Variants in PACRGL observed in about 807,000 individuals in gnomAD.
PACRGL encodes PACRG-like protein.
PACRGL carries 38 observed loss-of-function variants against 34.5 expected under a neutral mutation model. That is an observed-to-expected ratio of 1.10 (90% CI 0.85 to 1.44). The LOEUF (loss-of-function observed/expected upper bound fraction) is 1.44. Among genes scored for constraint, PACRGL ranks in the 40% most tolerant of loss-of-function variants. PACRGL has a pLI of 0.00. For missense variants in PACRGL, 305 were observed against 281.4 expected (o/e 1.08, Z -0.60); for synonymous variants, 128 against 100.1 (o/e 1.28, Z -1.66).
chr4:20,710,803 A>G (rs61671884), intron 5 of PACRGL, among the ~76,000 whole-genome samples: 2,282 of 145,328 alleles, frequency 0.016, 47 homozygotes, highest in East Asian at 0.12. Flanking sequence ...AGCAAAAACT[A>G]TAAGTTTTTG....
chr4:20,755,844 G>A (rs1168142193), downstream of PACRGL, among the ~76,000 whole-genome samples: 1 of 152,122 alleles, frequency 6.6e-6, no homozygotes, highest in Non-Finnish European at 1.5e-5. Context: ...CATCATGGCT[G>A]GTGTGCTGGT....
downstream of PACRGL, among the ~76,000 whole-genome samples, chr4:20,735,704 T>G (rs1445681060): frequency 6.6e-6 from 1 of 151,876 alleles, no homozygotes; most frequent in Non-Finnish European, 1.5e-5. Flanking sequence ...GCCTGACTAA[T>G]TTTTGTATTT....
At chr4:20,749,831 C>T (rs1001024376) in intron 8 of PACRGL, 2 of 680,908 alleles carry the variant, frequency 2.9e-6, no homozygotes, top group African/African-American at 3.6e-5. Context: ...GAAGAATTAA[C>T]TCTGCCTCCT....
intron 7 of PACRGL, among the ~76,000 whole-genome samples, chr4:20,723,857 G>A (rs1005700012): frequency 6.6e-6 from 1 of 152,010 alleles, no homozygotes; most frequent in Non-Finnish European, 1.5e-5. Context: ...GTTGTGTGAG[G>A]GTTAGTTCCT....
chr4:20,721,487 G>A lies in PACRGL; in HGVS notation c.610-3321G>A, dbSNP rs1043104875. ...ACCTTTGGTCTTTGATGATGGTGAC[G>A]TACAAGTGGGGTTTTGGTGTGGATG... On this transcript the variant is annotated intron_variant, in intron 7 of 8. Coordinates refer to ENST00000503585, the MANE Select transcript of PACRGL (RefSeq NM_001258345.3). Among the ~76,000 whole-genome samples the A allele has an allele frequency of 9.1e-4, 138 of 152,074 alleles. 11 individuals are homozygous for A. Among genetic ancestry groups the A allele is most frequent in the South Asian group, 6.2e-4 (3 of 4,810 alleles).
intron 3 of PACRGL, among the ~76,000 whole-genome samples, chr4:20,706,484 C>T (rs1465400815): frequency 6.6e-6 from 1 of 152,022 alleles, no homozygotes; most frequent in Non-Finnish European, 1.5e-5. Flanking sequence ...ATTTTTAAAA[C>T]TTGTGTTTCT....
intron 1 of PACRGL, among the ~76,000 whole-genome samples, chr4:20,704,220 G>A (rs960590069): frequency 2.0e-5 from 3 of 152,118 alleles, no homozygotes; most frequent in African/African-American, 7.2e-5. Context: ...TTGACAATTT[G>A]AATGGAAAAA....
upstream of PACRGL, among the ~76,000 whole-genome samples, chr4:20,700,117 T>C (rs1051936434): frequency 3.3e-5 from 5 of 152,122 alleles, no homozygotes; most frequent in Admixed American, 2.6e-4. Flanking sequence ...GAGGGTAAGA[T>C]AGCTGAGGAA....
chr4:20,735,145 C>T (rs1749282367), downstream of PACRGL, among the ~76,000 whole-genome samples: 1 of 152,162 alleles, frequency 6.6e-6, no homozygotes, highest in Non-Finnish European at 1.5e-5. Context: ...ATGTGGCTGT[C>T]CATAAAAGAT....
At chr4:20,704,610 G>C in intron 2 of PACRGL, 50 bp from the exon 3 acceptor site, 1 of 1,613,258 alleles carries the variant, frequency 6.2e-7, no homozygotes, top group South Asian at 1.1e-5. Flanking sequence ...GATGCAGGGT[G>C]AACTTTATTG....
At chr4:20,734,868 T>TC, downstream of PACRGL, 1 of 490,336 alleles carries the variant, frequency 2.0e-6, no homozygotes, top group South Asian at 3.0e-5. Flanking sequence ...GTGTTATTGG[T>TC]TGTCTAGTTT....
intron 7 of PACRGL, among the ~76,000 whole-genome samples, chr4:20,715,186 C>T (rs1238755963): frequency 3.3e-5 from 5 of 152,106 alleles, no homozygotes; most frequent in African/African-American, 7.2e-5. Context: ...AAAAACCAAA[C>T]ACCGCATGTT....
At chr4:20,716,943 C>T (rs1469174573) in intron 7 of PACRGL, among the ~76,000 whole-genome samples, 3 of 152,196 alleles carry the variant, frequency 2.0e-5, no homozygotes, top group African/African-American at 7.2e-5. Flanking sequence ...GGTTTACAGT[C>T]CCACCAACAG....
At position 20,730,182 on chromosome 4, in the gene PACRGL, T is replaced by C; in HGVS notation, c.*2841T>C. 6.4e-7 allele frequency: 1 copy of C among 1,555,534 alleles called. No individual in the cohort carries two copies. The highest frequency in any genetic ancestry group is 8.7e-7 in the Non-Finnish European group (1 of 1,151,948). ...AATTCAGCATATCTGCAAGGAAAAG[T>C]ACACTATTTTGCCCCTGAGTATTGC... On this transcript the variant is annotated 3_prime_UTR_variant, in exon 9 of 9. Coordinates refer to ENST00000503585, the MANE Select transcript of PACRGL (RefSeq NM_001258345.3).
rs1156256973 is a variant in PACRGL at position 20,727,974 on chromosome 4, G to A, written c.*633G>A. 1 of 152,306 alleles carries A rather than the reference G, an allele frequency of 6.6e-6. No individual in the cohort carries two copies. The highest frequency in any genetic ancestry group is 2.4e-5 in the African/African-American group (1 of 41,382). 9.4% of individuals were successfully genotyped at this position (152,306 alleles called of 1,614,324 possible). A position where few individuals can be genotyped will look rare whatever the true frequency, so the allele number is the denominator to read the frequency against. Reference sequence around the variant, plus strand: ...CAGCTAATTTTGAAATTTGCTTGTAGAGATGGGATCTCACTCTGTTGTCCA... The same window carrying A: ...CAGCTAATTTTGAAATTTGCTTGTAAAGATGGGATCTCACTCTGTTGTCCA... On this transcript the variant is annotated 3_prime_UTR_variant, in exon 9 of 9. Transcript: ENST00000503585.
chr4:20,716,052 A>G, intron 7 of PACRGL: 3 of 1,476,576 alleles, frequency 2.0e-6, no homozygotes, highest in South Asian at 1.3e-5. Flanking sequence ...TGCATTCAGG[A>G]AGAGACCTTT....
chr4:20,713,335 T>C (rs1738205682), intron 6 of PACRGL, 97 bp from the exon 7 acceptor site: 1 of 841,566 alleles, frequency 1.2e-6, no homozygotes, highest in East Asian at 2.6e-5. Context: ...CTTATCCTTT[T>C]CTCTACTTGC....
At position 20,727,391 on chromosome 4, in the gene PACRGL, A is replaced by G. The variant is rs1746220059; in HGVS notation, c.*50A>G. On this transcript the variant is annotated 3_prime_UTR_variant, in exon 9 of 9. Transcript: ENST00000503585. ...TTTTCTACCTGTTGACGTGTCAAGC[A>G]CTAACTGTGGGTACTCATTTATTTT... 2.1e-6 allele frequency: 3 copies of G among 1,420,880 alleles called. No individual in the cohort carries two copies. Among genetic ancestry groups the G allele is most frequent in the Non-Finnish European group, 3.0e-6 (3 of 1,005,364 alleles). 88.0% of individuals were successfully genotyped at this position (1,420,880 alleles called of 1,614,324 possible).
At chr4:20,721,205 T>G in intron 7 of PACRGL, among the ~76,000 whole-genome samples, 1 of 152,270 alleles carries the variant, frequency 6.6e-6, no homozygotes, top group South Asian at 2.1e-4. Context: ...TCTACACTGG[T>G]TATTCTAGTT....
Sources: gnomAD v4.1 joint callset for allele counts (sites outside exome capture counted in the v4.1 genomes callset) on GRCh38, gnomAD v4.1.1 for gene constraint, MANE v1.5 for transcripts, NCBI Gene and HGNC (gene_info 2026-07-23, HGNC 2026-07-21) for gene names.